The following DISC1 variants were observed in gnomAD, a reference collection of about 807,000 sequenced individuals.
DISC1 encodes the protein disrupted in schizophrenia 1 protein.
DISC1 carries 57 observed loss-of-function variants against 84.5 expected under a neutral mutation model. That is an observed-to-expected ratio of 0.67 (90% CI 0.55 to 0.84). DISC1 has a LOEUF of 0.84. DISC1 is among the 40% of genes least tolerant of loss of function. The pLI is 0.00. For synonymous variants in DISC1, 411 were observed against 415.2 expected (o/e 0.99, Z 0.12); for missense variants, 1,000 against 1,057.8 (o/e 0.95, Z 0.76).
intron 9 of DISC1, among the ~76,000 whole-genome samples, chr1:231,868,509 C>A (rs950887762): frequency 2.6e-5 from 4 of 151,350 alleles, no homozygotes; most frequent in African/African-American, 9.7e-5. Context: ...TATTTTTTTT[C>A]TCTTTGTGAG....
chr1:231,896,647 G>T (rs1216987488), intron 9 of DISC1, among the ~76,000 whole-genome samples: 1 of 152,104 alleles, frequency 6.6e-6, no homozygotes, highest in African/African-American at 2.4e-5. Context: ...GTGGCTCAGG[G>T]ACCCAAAATA....
At chr1:231,771,224 T>G in intron 6 of DISC1, 154 bp downstream of exon 6, 1 of 1,449,932 alleles carries the variant, frequency 6.9e-7, no homozygotes, top group Non-Finnish European at 9.1e-7. Context: ...GGAAAATTCT[T>G]CACGGTGTGG....
chr1:231,799,119 G>C (rs2078990515), intron 7 of DISC1, among the ~76,000 whole-genome samples: 1 of 152,006 alleles, frequency 6.6e-6, no homozygotes, highest in African/African-American at 2.4e-5. Flanking sequence ...AAGACATTTG[G>C]AAAAAGAAAT....
chr1:231,960,297 A>G (rs1462291332), intron 10 of DISC1, among the ~76,000 whole-genome samples: 1 of 152,018 alleles, frequency 6.6e-6, no homozygotes, highest in Non-Finnish European at 1.5e-5. Flanking sequence ...CTCATTGCCC[A>G]TGCTGTAGTG....
chr1:231,722,581 C>G (rs775152732), intron 3 of DISC1: 4 of 1,614,196 alleles, frequency 2.5e-6, no homozygotes, highest in Non-Finnish European at 3.4e-6. Context: ...GCCTCGACAT[C>G]CTGAACCAAA....
intron 9 of DISC1, among the ~76,000 whole-genome samples, chr1:231,851,643 G>T (rs1175911683): frequency 6.6e-6 from 1 of 152,146 alleles, no homozygotes; most frequent in African/African-American, 2.4e-5. Context: ...AGACAGAGAT[G>T]GGGAGAGGAG....
chr1:231,946,496 G>A (rs551777528), intron 9 of DISC1, among the ~76,000 whole-genome samples: 2 of 152,236 alleles, frequency 1.3e-5, no homozygotes, highest in South Asian at 2.1e-4. Flanking sequence ...CAAACCCACA[G>A]CCAATATTAT....
intron 1 of DISC1, among the ~76,000 whole-genome samples, chr1:231,681,599 C>A (rs1382898875): frequency 6.6e-6 from 1 of 152,142 alleles, no homozygotes; most frequent in African/African-American, 2.4e-5. Flanking sequence ...TATTGAATGG[C>A]AATGGAGGGG....
intron 9 of DISC1, among the ~76,000 whole-genome samples, chr1:231,951,931 C>T (rs1658447850): frequency 6.6e-6 from 1 of 150,940 alleles, no homozygotes; most frequent in Non-Finnish European, 1.5e-5. Flanking sequence ...ATTAGCTGGG[C>T]ACAGTGGCTC....
chr1:231,651,969 T>A (rs2060664037), intron 1 of DISC1, among the ~76,000 whole-genome samples: 1 of 152,170 alleles, frequency 6.6e-6, no homozygotes, highest in Non-Finnish European at 1.5e-5. Context: ...GGTGAGAGTG[T>A]CCTAATTTTC....
At chr1:231,783,536 A>G (rs2077590789) in intron 6 of DISC1, among the ~76,000 whole-genome samples, 1 of 152,224 alleles carries the variant, frequency 6.6e-6, no homozygotes, top group Non-Finnish European at 1.5e-5. Context: ...TGTTTGAGGC[A>G]ATGAGAAAGA....
intron 6 of DISC1, among the ~76,000 whole-genome samples, chr1:231,776,248 A>T (rs1424599438): frequency 6.6e-6 from 1 of 152,168 alleles, no homozygotes; most frequent in Non-Finnish European, 1.5e-5. Context: ...GCTGCCTAGG[A>T]TGCTTTCTAA....
chr1:231,702,452 G>A, intron 3 of DISC1: 2 of 987,626 alleles, frequency 2.0e-6, no homozygotes, highest in Non-Finnish European at 2.4e-6. Flanking sequence ...AAGCCTTCAT[G>A]GGGCTCTCTG....
At chr1:231,765,195 C>CAAAAAAAAAAAAAA (rs71179793) in intron 4 of DISC1, among the ~76,000 whole-genome samples, 1 of 93,302 alleles carries the variant, frequency 1.1e-5, no homozygotes, top group Non-Finnish European at 2.0e-5. Context: ...GTCCACCCTA[C>CAAAAAAAAAAAAAA]AAAAAAAAAA....
At position 231,896,062 on chromosome 1, in the gene DISC1, G is replaced by A. The variant is rs905743510; in HGVS notation, c.1982-62766G>A. Among the ~76,000 whole-genome samples, 4 of 152,116 alleles carry A rather than the reference G, an allele frequency of 2.6e-5. No homozygotes were observed. In the East Asian group the frequency reaches 7.7e-4, roughly 29 times the overall value. The stretch of plus-strand genomic sequence containing the variant: ...ATTCCAGAGGCCAAAAGGCTGGTGT[G>A]GAGTCACGGCAACTTTCCTACCACT... On this transcript the variant is annotated intron_variant, in intron 9 of 12. Transcript: ENST00000439617.
intron 9 of DISC1, among the ~76,000 whole-genome samples, chr1:231,948,813 A>AT (rs1657760443): frequency 1.3e-5 from 2 of 148,886 alleles, no homozygotes; most frequent in Non-Finnish European, 3.0e-5. Context: ...TCCAAGGGCT[A>AT]TTCTAGATTG....
In DISC1 at chr1:232,037,908, C is replaced by G. The variant is rs144167464; in HGVS notation, c.*1077C>G. 2 of 150,300 alleles carry G rather than the reference C, an allele frequency of 1.3e-5. No homozygotes were observed. Among genetic ancestry groups the G allele is most frequent in the African/African-American group, 4.9e-5 (2 of 40,416 alleles). The allele number at this position is 150,300 out of a possible 1,614,324, so 9.3% of individuals were successfully genotyped here. A position where few individuals can be genotyped will look rare whatever the true frequency, so the allele number is the denominator to read the frequency against. Reference sequence around the variant, plus strand: ...TACTCAGGCAGTGCAATACTCAGTGCGGTACTCAGTAACACAGTGCAGTAC... The same window carrying G: ...TACTCAGGCAGTGCAATACTCAGTGGGGTACTCAGTAACACAGTGCAGTAC... On this transcript the variant is annotated 3_prime_UTR_variant, in exon 13 of 13. Transcript: ENST00000439617.
chr1:231,855,398 A>T (rs554342855), intron 9 of DISC1: 1 of 985,218 alleles, frequency 1.0e-6, no homozygotes, highest in East Asian at 1.1e-4. Flanking sequence ...AAGTTATTTC[A>T]TCCACAGTGA....
chr1:231,789,160 A>G (rs114348353), intron 6 of DISC1, among the ~76,000 whole-genome samples: 1,886 of 152,284 alleles, frequency 0.012, 25 homozygotes, highest in African/African-American at 0.023. Flanking sequence ...CTGTCAATGG[A>G]GTAGTCAGGC....
Sources: allele counts gnomAD v4.1 joint callset (sites outside exome capture counted in the v4.1 genomes callset), GRCh38; gene constraint gnomAD v4.1.1; transcripts MANE v1.5; gene names NCBI Gene and HGNC (gene_info 2026-07-23, HGNC 2026-07-21).